Variants in RAD52 observed in about 807,000 individuals in gnomAD.
RAD52 encodes the protein RAD52 DNA repair protein, also known as DNA repair protein RAD52 homolog.
RAD52 carries 47 observed loss-of-function variants against 55.5 expected under a neutral mutation model. The observed-to-expected ratio is 0.85, with a 90% confidence interval of 0.67 to 1.08. RAD52 has a LOEUF of 1.08. Among genes scored for constraint, RAD52 ranks in the 50% least tolerant of loss-of-function variants. The probability of loss-of-function intolerance (pLI) is 0.00; values close to 1 mark genes in which losing one functional copy is unlikely to be tolerated. For synonymous variants in RAD52, 184 were observed against 198.9 expected (o/e 0.92, Z 0.63); for missense variants, 468 against 522.8 (o/e 0.90, Z 1.02).
intron 1 of RAD52, among the ~76,000 whole-genome samples, chr12:972,054 T>C (rs935654905): frequency 6.6e-6 from 1 of 152,052 alleles, no homozygotes; most frequent in Non-Finnish European, 1.5e-5. Flanking sequence ...TGGGAGTAGG[T>C]AGAGGGGAAT....
At chr12:917,870 A>G (rs4765817) in intron 7 of RAD52, among the ~76,000 whole-genome samples, 150,253 of 151,796 alleles carry the variant, frequency 0.99, 74,385 homozygotes, top group East Asian at 1. Context: ...AACCTGGGAG[A>G]CAGAGGTTGC....
chr12:957,081 T>C (rs1022091994), intron 1 of RAD52, among the ~76,000 whole-genome samples: 9 of 152,156 alleles, frequency 5.9e-5, no homozygotes, highest in African/African-American at 2.2e-4. Context: ...AAAGTCCTTA[T>C]CTGGGCCAAC....
chr12:924,022 G>A (rs987938368), intron 7 of RAD52, among the ~76,000 whole-genome samples: 3 of 149,836 alleles, frequency 2.0e-5, no homozygotes, highest in African/African-American at 7.4e-5. Flanking sequence ...TCACACTACT[G>A]CACTCCAGCC....
intron 5 of RAD52, among the ~76,000 whole-genome samples, chr12:929,319 C>T (rs1310076406): frequency 6.6e-6 from 1 of 152,080 alleles, no homozygotes; most frequent in African/African-American, 2.4e-5. Context: ...AGATCTTATC[C>T]TCTATAGTAT....
At chr12:932,873 T>C (rs904367538) in intron 2 of RAD52, 102 bp downstream of exon 2, 1 of 530,650 alleles carries the variant, frequency 1.9e-6, no homozygotes, top group Non-Finnish European at 3.2e-6. Context: ...GTAAACGTAC[T>C]AGGTACTGCT....
intron 1 of RAD52, among the ~76,000 whole-genome samples, chr12:972,347 G>A (rs1417497418): frequency 6.6e-6 from 1 of 152,150 alleles, no homozygotes; most frequent in East Asian, 1.9e-4. Flanking sequence ...GACAGAAAGT[G>A]CATGAGAAAA....
In RAD52 at chr12:915,052, G is replaced by A. The variant is rs1370613744; in HGVS notation, c.866-520C>T. Among the ~76,000 whole-genome samples, 4 of 152,216 alleles carry A rather than the reference G, an allele frequency of 2.6e-5. No homozygotes were observed. In the East Asian group the frequency reaches 7.7e-4, roughly 29 times the overall value. ...GGAGGCTGAGGAAGGAGGATCACTT[G>A]AGCTCAGGAAGGTCAAAGCTGCAGT... On this transcript the variant is annotated intron_variant, in intron 9 of 11. Coordinates refer to ENST00000358495, the MANE Select transcript of RAD52 (RefSeq NM_134424.4).
Position 916,694 on chromosome 12 carries a change from A to AG in RAD52, c.669dup (p.Ser224LeufsTer62). 6.2e-7 allele frequency: 1 copy of AG among 1,613,780 alleles called. No homozygotes were observed. The highest frequency in any genetic ancestry group is 8.5e-7 in the Non-Finnish European group (1 of 1,179,910). ...ACAGCATGGCTGGGTCTGGAAGGGG[A>AG]GGTCACCTGCTGCAGCTGTGGGTGT... On this transcript the variant is annotated frameshift_variant, in exon 8 of 12. Transcript: ENST00000358495. LOFTEE classifies it high-confidence loss of function.
intron 1 of RAD52, among the ~76,000 whole-genome samples, chr12:987,576 C>G (rs1293717337): frequency 8.2e-6 from 1 of 122,032 alleles, no homozygotes. Flanking sequence ...TTTTTTTTTT[C>G]CTGAGACAGG....
chr12:981,934 A>G (rs1959022521), intron 1 of RAD52, among the ~76,000 whole-genome samples: 1 of 152,188 alleles, frequency 6.6e-6, no homozygotes, highest in Admixed American at 6.6e-5. Context: ...AGGCAGCATC[A>G]CCACGTTGGC....
chr12:935,857 A>T lies in RAD52; in HGVS notation c.-18-2781T>A, dbSNP rs7956500. Among the ~76,000 whole-genome samples, 80 of 134,806 alleles carry T rather than the reference A, an allele frequency of 5.9e-4. 2 individuals carry two copies. In the South Asian group the frequency reaches 8.2e-3, roughly 14 times the overall value. The allele number at this position is 134,806 out of a possible 152,430, so 88.4% of individuals were successfully genotyped here. Reference sequence around the variant, plus strand: ...AACAAGAGTGAAACTCCGTCTCAAAAAAATAAATAAATAAATAAATAAATA... The same window carrying T: ...AACAAGAGTGAAACTCCGTCTCAAATAAATAAATAAATAAATAAATAAATA... On this transcript the variant is annotated intron_variant, in intron 1 of 11. Coordinates refer to ENST00000358495, the MANE Select transcript of RAD52 (RefSeq NM_134424.4).
At chr12:988,844 C>T (rs1321674996) in intron 1 of RAD52, among the ~76,000 whole-genome samples, 3 of 151,040 alleles carry the variant, frequency 2.0e-5, no homozygotes, top group Non-Finnish European at 4.4e-5. Context: ...ATGACCCAAA[C>T]ACCTCCCATC....
At chr12:975,039 CTCT>C (rs1378994109) in intron 1 of RAD52, 1 of 152,144 alleles carries the variant, frequency 6.6e-6, no homozygotes, top group African/African-American at 2.4e-5. Flanking sequence ...ATTCATGTAG[CTCT>C]TATTATAGTA....
At chr12:985,243 G>A (rs1399340346) in intron 1 of RAD52, among the ~76,000 whole-genome samples, 5 of 152,140 alleles carry the variant, frequency 3.3e-5, no homozygotes, top group African/African-American at 1.2e-4. Flanking sequence ...TGGGTTCGAG[G>A]AATCCTTCTG....
intron 1 of RAD52, among the ~76,000 whole-genome samples, chr12:947,756 C>T (rs1190678776): frequency 6.6e-6 from 1 of 151,862 alleles, no homozygotes; most frequent in Non-Finnish European, 1.5e-5. Context: ...GGCATAGTGG[C>T]ATGCGCCTGT....
At chr12:918,711 T>C (rs1423113928) in intron 7 of RAD52, among the ~76,000 whole-genome samples, 1 of 151,910 alleles carries the variant, frequency 6.6e-6, no homozygotes. Context: ...ACCCGGCCAA[T>C]CTGTGTTGTT....
intron 1 of RAD52, among the ~76,000 whole-genome samples, chr12:948,729 T>C (rs1364510788): frequency 6.6e-6 from 1 of 151,400 alleles, no homozygotes; most frequent in East Asian, 2.0e-4. Flanking sequence ...GGATGGATTC[T>C]CGCTCTGTCC....
intron 1 of RAD52, chr12:974,102 A>T (rs1036467726): frequency 1.3e-5 from 2 of 152,204 alleles, no homozygotes; most frequent in Non-Finnish European, 2.9e-5. Flanking sequence ...GCTGCCACCT[A>T]CTGAGACGGG....
chr12:965,932 C>T lies in RAD52; in HGVS notation c.-19+23877G>A, dbSNP rs148892817. On this transcript the variant is annotated intron_variant, in intron 1 of 11. Transcript: ENST00000430095. ...AACTGCTGACCTCATGATCCTCCCG[C>T]CTTGGCCTCCCAAAGTGCTGGGATT... Among the ~76,000 whole-genome samples, 992 of 152,050 alleles carry T rather than the reference C, an allele frequency of 6.5e-3. 24 individuals are homozygous for T. Among genetic ancestry groups the T allele is most frequent in the African/African-American group, 0.022 (926 of 41,368 alleles).
Sources: gnomAD v4.1 joint callset for allele counts (sites outside exome capture counted in the v4.1 genomes callset) on GRCh38, gnomAD v4.1.1 for gene constraint, MANE v1.5 for transcripts, NCBI Gene and HGNC (gene_info 2026-07-23, HGNC 2026-07-21) for gene names.